RCOR1: variants seen among roughly 807,000 people sequenced by gnomAD.
RCOR1 encodes the protein REST corepressor.
In RCOR1, 12 loss-of-function variants were observed where a neutral mutation model predicts 64.0. That is an observed-to-expected ratio of 0.19 (90% CI 0.12 to 0.30). The LOEUF is 0.30. Ranked by LOEUF, RCOR1 falls within the 10% of genes least tolerant of loss-of-function variation. The pLI, the probability that RCOR1 is intolerant of heterozygous loss-of-function variation, is 1.00. For synonymous variants in RCOR1, 279 were observed against 227.2 expected (o/e 1.23, Z -2.05); for missense variants, 502 against 621.2 (o/e 0.81, Z 2.04).
rs547579409 is a variant in RCOR1 at position 102,657,374 on chromosome 14, A to G, written c.362-24521A>G. The stretch of plus-strand genomic sequence containing the variant: ...ATGTTTTAATCCTAATTTAAGACCG[A>G]TTTACTTCTTCTTGGAGCTAATTTC... On this transcript the variant is annotated intron_variant, in intron 2 of 11. Transcript: ENST00000262241. The G allele has an allele frequency of 1.5e-4, 149 of 985,208 alleles. 4 individuals are homozygous for G. The South Asian group carries it at 6.3e-3, about 42-fold the overall frequency. 61.0% of individuals were successfully genotyped at this position (985,208 alleles called of 1,614,324 possible).
At chr14:102,611,905 C>T (rs1212752197) in intron 2 of RCOR1, among the ~76,000 whole-genome samples, 1 of 152,272 alleles carries the variant, frequency 6.6e-6, no homozygotes, top group Non-Finnish European at 1.5e-5. Context: ...GATCATAGCT[C>T]CTTGCAGCCT....
intron 2 of RCOR1, chr14:102,651,086 A>G (rs1349336792): frequency 2.0e-6 from 2 of 984,790 alleles, no homozygotes; most frequent in Admixed American, 6.1e-5. Context: ...ATTGTTGACT[A>G]GTTAGAAGAA....
At chr14:102,639,875 TCTCG>T (rs1894330612) in intron 2 of RCOR1, among the ~76,000 whole-genome samples, 1 of 148,804 alleles carries the variant, frequency 6.7e-6, no homozygotes, top group Middle Eastern at 3.6e-3. Flanking sequence ...TGAGACGGAG[TCTCG>T]CTCTGTCCCC....
chr14:102,654,774 C>T (rs535119250), intron 2 of RCOR1, among the ~76,000 whole-genome samples: 2 of 149,108 alleles, frequency 1.3e-5, no homozygotes, highest in South Asian at 2.1e-4. Flanking sequence ...ACACCTCTTT[C>T]CCTGTGGTTG....
At chr14:102,679,334 C>T (rs1384849311) in intron 2 of RCOR1, among the ~76,000 whole-genome samples, 1 of 152,070 alleles carries the variant, frequency 6.6e-6, no homozygotes. Flanking sequence ...TTTGTTTTTG[C>T]ATGTGAATAT....
intron 2 of RCOR1, 115 bp downstream of exon 2, chr14:102,593,440 C>T (rs1461701690): frequency 2.3e-5 from 26 of 1,127,402 alleles, no homozygotes; most frequent in Non-Finnish European, 2.8e-5. Flanking sequence ...TTCGCCCTGC[C>T]GTCCGTGGGG....
intron 2 of RCOR1, among the ~76,000 whole-genome samples, chr14:102,620,388 A>AG (rs35690069): frequency 0.55 from 83,035 of 151,898 alleles, 25,128 homozygotes; most frequent in South Asian, 0.7. Context: ...ACCAACATGG[A>AG]GAAACCCCAT....
chr14:102,698,408 G>A (rs978404876), intron 3 of RCOR1, among the ~76,000 whole-genome samples: 10 of 152,182 alleles, frequency 6.6e-5, no homozygotes, highest in African/African-American at 2.2e-4. Flanking sequence ...TTCAGCCTGT[G>A]CATGTGTTTG....
At chr14:102,711,734 G>T (rs1230954756) in intron 7 of RCOR1, among the ~76,000 whole-genome samples, 1 of 151,802 alleles carries the variant, frequency 6.6e-6, no homozygotes, top group Non-Finnish European at 1.5e-5. Context: ...AAAACAGAAG[G>T]GTCTAAATTT....
chr14:102,679,427 A>G (rs1340056061), intron 2 of RCOR1, among the ~76,000 whole-genome samples: 1 of 149,062 alleles, frequency 6.7e-6, no homozygotes, highest in African/African-American at 2.5e-5. Context: ...AAATCATTTG[A>G]TCCTGTATGT....
intron 2 of RCOR1, among the ~76,000 whole-genome samples, chr14:102,640,994 C>A (rs1251094476): frequency 6.6e-6 from 1 of 152,132 alleles, no homozygotes; most frequent in Non-Finnish European, 1.5e-5. Context: ...TGGCTCACGC[C>A]TGTAATCCCA....
intron 2 of RCOR1, among the ~76,000 whole-genome samples, chr14:102,620,785 A>G (rs1031423010): frequency 1.3e-5 from 2 of 152,034 alleles, no homozygotes; most frequent in Admixed American, 1.3e-4. Context: ...CTCCCATTTC[A>G]CTTAGAGTAA....
At chr14:102,663,552 A>G (rs1894865293) in intron 2 of RCOR1, among the ~76,000 whole-genome samples, 2 of 152,136 alleles carry the variant, frequency 1.3e-5, no homozygotes, top group South Asian at 4.1e-4. Flanking sequence ...GTGTTATAGG[A>G]TAATCTGGGC....
In RCOR1 at chr14:102,603,229, C is replaced by T. The variant is rs1288851659; in HGVS notation, c.361+9904C>T. ...TGGAGTAGTTTGGACTACAGTTGTT[C>T]ACCACCACACCCAGCAAAGAATGTG... is the stretch of plus-strand genomic sequence containing the variant. On this transcript the variant is annotated intron_variant, in intron 2 of 11. Coordinates refer to ENST00000262241, the MANE Select transcript of RCOR1 (RefSeq NM_015156.4). Among the ~76,000 whole-genome samples, 3 of 151,948 alleles carry T rather than the reference C, an allele frequency of 2.0e-5. No individual in the cohort carries two copies. In the East Asian group the frequency reaches 5.8e-4, roughly 29 times the overall value.
chr14:102,729,698 CTT>C lies in RCOR1; in HGVS notation c.*3194_*3195del. ...CCACTGTTAAGTGTGCTCATTGTCA[CTT>C]TAAATTTCAACGATACCCTATTTTT... On this transcript the variant is annotated 3_prime_UTR_variant, in exon 12 of 12. Transcript: ENST00000262241. 2.5e-6 allele frequency: 1 copy of C among 396,980 alleles called. No individual in the cohort carries two copies. Among genetic ancestry groups the C allele is most frequent in the Non-Finnish European group, 4.4e-6 (1 of 225,304 alleles). The allele number at this position is 396,980 out of a possible 1,614,324, so 24.6% of individuals were successfully genotyped here. A position where few individuals can be genotyped will look rare whatever the true frequency, so the allele number is the denominator to read the frequency against.
intron 2 of RCOR1, among the ~76,000 whole-genome samples, chr14:102,615,300 A>AT (rs112023406): frequency 0.32 from 45,726 of 142,774 alleles, 7,581 homozygotes; most frequent in Middle Eastern, 0.43. Context: ...GCCTGGCTAA[A>AT]TTTTTTTTTT....
chr14:102,703,324 A>G (rs868771570), intron 4 of RCOR1, among the ~76,000 whole-genome samples: 5 of 152,232 alleles, frequency 3.3e-5, no homozygotes, highest in Admixed American at 6.5e-5. Flanking sequence ...AAAATTTCGC[A>G]AATTTGTTGA....
intron 3 of RCOR1, among the ~76,000 whole-genome samples, chr14:102,692,439 TA>T (rs1325684680): frequency 4.0e-5 from 4 of 100,522 alleles, no homozygotes; most frequent in Non-Finnish European, 2.1e-5. Context: ...AGGAAAAAGT[TA>T]ACACACACAC....
chr14:102,720,898 T>C (rs1896157476), intron 8 of RCOR1, 109 bp from the exon 9 acceptor site: 1 of 594,838 alleles, frequency 1.7e-6, no homozygotes, highest in Admixed American at 3.3e-5. Context: ...CAACAGATGT[T>C]AGTAACGTCT....
Sources: allele counts gnomAD v4.1 joint callset (sites outside exome capture counted in the v4.1 genomes callset), GRCh38; gene constraint gnomAD v4.1.1; transcripts MANE v1.5; gene names NCBI Gene and HGNC (gene_info 2026-07-23, HGNC 2026-07-21).